Variants in PLCB1 observed in about 807,000 individuals in gnomAD.
PLCB1 encodes the protein phospholipase C beta 1.
In PLCB1, 46 loss-of-function variants were observed where a neutral mutation model predicts 161.8. The ratio of observed to expected loss-of-function variants is 0.28; its 90% CI spans 0.22 to 0.36. PLCB1 has a LOEUF of 0.36. PLCB1 is among the 10% of genes least tolerant of loss of function. The probability of loss-of-function intolerance (pLI) is 1.00; values close to 1 mark genes in which losing one functional copy is unlikely to be tolerated. For synonymous variants in PLCB1, 517 were observed against 503.7 expected (o/e 1.03, Z -0.35); for missense variants, 1,016 against 1,472.5 (o/e 0.69, Z 5.07).
chr20:8,590,971 T>TC (rs1987131563), intron 3 of PLCB1, among the ~76,000 whole-genome samples: 1 of 151,992 alleles, frequency 6.6e-6, no homozygotes, highest in African/African-American at 2.4e-5. Context: ...ATGTTCTCCC[T>TC]CCCCCTCCCC....
intron 2 of PLCB1, among the ~76,000 whole-genome samples, chr20:8,356,834 G>T (rs1011652177): frequency 6.6e-6 from 1 of 152,140 alleles, no homozygotes; most frequent in Non-Finnish European, 1.5e-5. Flanking sequence ...TAGGCTAAAG[G>T]TATACAGAGA....
chr20:8,134,114 A>C (rs779249533), intron 1 of PLCB1, among the ~76,000 whole-genome samples: 16 of 152,224 alleles, frequency 1.1e-4, no homozygotes, highest in Non-Finnish European at 2.1e-4. Context: ...TGGGCTTCAC[A>C]CTTTTCTTCT....
intron 31 of PLCB1, among the ~76,000 whole-genome samples, chr20:8,861,707 T>C (rs953746643): frequency 3.9e-5 from 5 of 129,616 alleles, no homozygotes; most frequent in Admixed American, 9.1e-5. Flanking sequence ...TCCAGCCTGG[T>C]GACAGAGTGA....
intron 3 of PLCB1, among the ~76,000 whole-genome samples, chr20:8,406,074 A>G (rs1022254922): frequency 3.3e-5 from 5 of 150,994 alleles, no homozygotes; most frequent in African/African-American, 9.8e-5. Context: ...TGTATGTGTG[A>G]TGGAGGATTT....
In PLCB1 at chr20:8,882,203, G is replaced by A. The variant is rs1988022021; in HGVS notation, c.*354G>A. 1 of 225,710 alleles carries A rather than the reference G, an allele frequency of 4.4e-6. No individual in the cohort carries two copies. The highest frequency in any genetic ancestry group is 2.3e-5 in the African/African-American group (1 of 43,820). The allele number at this position is 225,710 out of a possible 1,614,324, so 14.0% of individuals were successfully genotyped here. ...TCGTGTTTTTATTCGAAGCTCTGGT[G>A]TAAAATATTTCAAAGTCATAGAAAT... On this transcript the variant is annotated 3_prime_UTR_variant, in exon 32 of 32. Transcript: ENST00000338037.
chr20:8,836,790 A>G (rs538580264), intron 31 of PLCB1, among the ~76,000 whole-genome samples: 3 of 152,330 alleles, frequency 2.0e-5, no homozygotes, highest in Admixed American at 6.5e-5. Flanking sequence ...GTCATCGAAC[A>G]AAGAATGAGC....
intron 4 of PLCB1, among the ~76,000 whole-genome samples, chr20:8,645,220 T>C (rs1054200378): frequency 6.6e-6 from 1 of 150,850 alleles, no homozygotes; most frequent in Non-Finnish European, 1.5e-5. Flanking sequence ...CTTTGTTCAC[T>C]TGTTTATCTG....
intron 9 of PLCB1, among the ~76,000 whole-genome samples, chr20:8,675,368 G>A (rs1241143494): frequency 1.3e-5 from 2 of 152,158 alleles, no homozygotes; most frequent in Non-Finnish European, 2.9e-5. Flanking sequence ...CCTGGGAGAA[G>A]ATATAGCAAG....
At chr20:8,269,398 G>C (rs1982160825) in intron 2 of PLCB1, among the ~76,000 whole-genome samples, 1 of 152,004 alleles carries the variant, frequency 6.6e-6, no homozygotes, top group Non-Finnish European at 1.5e-5. Context: ...TATGCAAAAT[G>C]GTAATAATAA....
chr20:8,725,436 C>T (rs549247040), intron 16 of PLCB1, among the ~76,000 whole-genome samples: 1 of 152,100 alleles, frequency 6.6e-6, no homozygotes, highest in East Asian at 1.9e-4. Context: ...AAGGGTGTAC[C>T]CTTAAAAACA....
chr20:8,438,377 A>G (rs1473583902), intron 3 of PLCB1, among the ~76,000 whole-genome samples: 3 of 152,230 alleles, frequency 2.0e-5, no homozygotes, highest in African/African-American at 2.4e-5. Flanking sequence ...ATTTTTAGAC[A>G]TAGCGCAAAA....
intron 10 of PLCB1, among the ~76,000 whole-genome samples, chr20:8,688,476 A>C (rs971283255): frequency 6.6e-6 from 1 of 152,234 alleles, no homozygotes; most frequent in African/African-American, 2.4e-5. Flanking sequence ...TTATAGTTTC[A>C]GGTCTTAGAT....
At chr20:8,300,844 G>A (rs1488015875) in intron 2 of PLCB1, among the ~76,000 whole-genome samples, 2 of 152,146 alleles carry the variant, frequency 1.3e-5, no homozygotes, top group African/African-American at 2.4e-5. Context: ...TTCTCAAGGT[G>A]CAGATGATAT....
chr20:8,332,492 T>C (rs146653080), intron 2 of PLCB1, among the ~76,000 whole-genome samples: 11 of 152,378 alleles, frequency 7.2e-5, no homozygotes, highest in Non-Finnish European at 1.3e-4. Context: ...CAAAATGTAC[T>C]GGACACTATT....
intron 2 of PLCB1, among the ~76,000 whole-genome samples, chr20:8,359,748 G>C (rs1419168918): frequency 6.6e-6 from 1 of 152,110 alleles, no homozygotes; most frequent in African/African-American, 2.4e-5. Context: ...AGTCTCGAAT[G>C]CTCATATTTA....
At chr20:8,490,930 ATG>A (rs529494070) in intron 3 of PLCB1, among the ~76,000 whole-genome samples, 184 of 151,416 alleles carry the variant, frequency 1.2e-3, no homozygotes, top group South Asian at 2.1e-3. Context: ...ATTAGCATAT[ATG>A]TGTGTGTGTT....
At chr20:8,530,043 A>T (rs1326008510) in intron 3 of PLCB1, among the ~76,000 whole-genome samples, 1 of 152,072 alleles carries the variant, frequency 6.6e-6, no homozygotes, top group Admixed American at 6.6e-5. Flanking sequence ...AAGCTTTTCA[A>T]TCTGGTGTGT....
chr20:8,219,454 G>T (rs1979298891), intron 2 of PLCB1, among the ~76,000 whole-genome samples: 1 of 152,160 alleles, frequency 6.6e-6, no homozygotes, highest in Admixed American at 6.6e-5. Flanking sequence ...GTTGTTAGAA[G>T]GTGGGATGCT....
chr20:8,633,966 T>G (rs1408165085), intron 4 of PLCB1, among the ~76,000 whole-genome samples: 5 of 152,242 alleles, frequency 3.3e-5, no homozygotes, highest in African/African-American at 1.2e-4. Flanking sequence ...AATTGTAGTT[T>G]GTCCATTCTC....
Sources: gnomAD v4.1 joint callset for allele counts (sites outside exome capture counted in the v4.1 genomes callset) on GRCh38, gnomAD v4.1.1 for gene constraint, MANE v1.5 for transcripts, NCBI Gene and HGNC (gene_info 2026-07-23, HGNC 2026-07-21) for gene names.